Variants in BMPR1B observed in about 807,000 individuals in gnomAD.
BMPR1B encodes bone morphogenetic protein receptor type-1B.
In BMPR1B, 12 loss-of-function variants were observed where a neutral mutation model predicts 59.1. The observed-to-expected ratio is 0.20, with a 90% confidence interval of 0.13 to 0.33. BMPR1B has a LOEUF of 0.33. BMPR1B is among the 10% of genes least tolerant of loss of function. The pLI, the probability that BMPR1B is intolerant of heterozygous loss-of-function variation, is 1.00. For synonymous variants in BMPR1B, 237 were observed against 207.3 expected, an observed-to-expected ratio of 1.14 and a Z score of -1.23; for missense variants, 550 against 610.9, an observed-to-expected ratio of 0.90 and a Z score of 1.05.
intron 2 of BMPR1B, among the ~76,000 whole-genome samples, chr4:94,918,365 T>C (rs891493025): frequency 3.9e-5 from 6 of 152,174 alleles, no homozygotes; most frequent in African/African-American, 1.4e-4. Flanking sequence ...AGAATTGTTT[T>C]ATTCATTGTT....
intron 2 of BMPR1B, among the ~76,000 whole-genome samples, chr4:94,890,189 C>A (rs867018141): frequency 6.6e-6 from 1 of 152,018 alleles, no homozygotes; most frequent in South Asian, 2.1e-4. Context: ...AACAAGAAGC[C>A]TGCTAGAGGC....
intron 2 of BMPR1B, among the ~76,000 whole-genome samples, chr4:94,938,881 C>T (rs1454259947): frequency 6.6e-6 from 1 of 151,862 alleles, no homozygotes; most frequent in Non-Finnish European, 1.5e-5. Context: ...TGTGGGGGCA[C>T]ATGCCTGTAG....
chr4:95,106,077 T>G (rs1021699503), intron 4 of BMPR1B, among the ~76,000 whole-genome samples: 1 of 152,000 alleles, frequency 6.6e-6, no homozygotes, highest in Admixed American at 6.6e-5. Context: ...GCAGTGGAAA[T>G]TCTGTTGTGG....
At chr4:94,999,572 A>G (rs1398571741) in intron 3 of BMPR1B, among the ~76,000 whole-genome samples, 2 of 152,166 alleles carry the variant, frequency 1.3e-5, no homozygotes, top group Admixed American at 1.3e-4. Flanking sequence ...TTATGTAATT[A>G]ATTTGGTGAA....
At position 95,115,797 on chromosome 4, in the gene BMPR1B, G is replaced by A. The variant is rs1262194724; in HGVS notation, c.349+10G>A. Reference sequence around the variant, plus strand: ...CCATTGAAAAACAGAGGTAAGTGAGGAAGGCTTCCAGCCTGGAAAATCACT... The same window carrying A: ...CCATTGAAAAACAGAGGTAAGTGAGAAAGGCTTCCAGCCTGGAAAATCACT... On this transcript the variant is annotated intron_variant, in intron 6 of 12. Coordinates refer to ENST00000515059, the MANE Select transcript of BMPR1B (RefSeq NM_001203.3). The A allele has an allele frequency of 5.0e-6, 8 of 1,599,142 alleles. No individual in the cohort carries two copies. In the East Asian group the frequency reaches 8.9e-5, roughly 18 times the overall value.
intron 2 of BMPR1B, among the ~76,000 whole-genome samples, chr4:94,882,096 A>T (rs1726995757): frequency 6.6e-6 from 1 of 152,162 alleles, no homozygotes; most frequent in African/African-American, 2.4e-5. Context: ...TACTGGCATG[A>T]AAAAGGTTCC....
chr4:94,929,777 TC>T (rs1293412941), intron 2 of BMPR1B, among the ~76,000 whole-genome samples: 1 of 151,984 alleles, frequency 6.6e-6, no homozygotes, highest in Admixed American at 6.6e-5. Flanking sequence ...GATCCTCACG[TC>T]CTATGATTTC....
chr4:94,762,656 T>G (rs527938237), intron 1 of BMPR1B, among the ~76,000 whole-genome samples: 1 of 152,330 alleles, frequency 6.6e-6, no homozygotes, highest in African/African-American at 2.4e-5. Flanking sequence ...TGGAGGATTT[T>G]AAACAGAGAA....
chr4:94,758,787 C>G (rs1036388666), intron 1 of BMPR1B, among the ~76,000 whole-genome samples: 1 of 152,038 alleles, frequency 6.6e-6, no homozygotes, highest in African/African-American at 2.4e-5. Context: ...TTATTGCTAT[C>G]CTTTGCCTCT....
In BMPR1B at chr4:95,125,141, T is replaced by C. The variant is rs747587385; in HGVS notation, c.585+20T>C. On this transcript the variant is annotated intron_variant, in intron 8 of 12. Transcript: ENST00000515059. The stretch of plus-strand genomic sequence containing the variant: ...CTGCTGGTATGAGAAGAACACATCT[T>C]GAATTTAAAGGAAATGTTTTCTGAA... The C allele has an allele frequency of 1.2e-5, 20 of 1,613,048 alleles. No homozygotes were observed. The highest frequency in any genetic ancestry group is 5.3e-5 in the African/African-American group (4 of 74,862).
chr4:94,799,246 C>T (rs1013227936), intron 1 of BMPR1B, among the ~76,000 whole-genome samples: 2 of 150,418 alleles, frequency 1.3e-5, no homozygotes, highest in East Asian at 3.9e-4. Context: ...GTAGAATTCA[C>T]AGAGACTTCA....
At chr4:94,778,229 C>G (rs1412174689) in intron 1 of BMPR1B, among the ~76,000 whole-genome samples, 1 of 152,078 alleles carries the variant, frequency 6.6e-6, no homozygotes, top group Non-Finnish European at 1.5e-5. Flanking sequence ...TGAGTAAACA[C>G]TAACCTGAGT....
chr4:94,875,269 G>A (rs1055126893), intron 1 of BMPR1B, among the ~76,000 whole-genome samples: 15 of 152,190 alleles, frequency 9.9e-5, no homozygotes, highest in African/African-American at 2.4e-4. Flanking sequence ...GAACTTTGAG[G>A]TGTTCTTGAT....
chr4:95,142,964 C>A, intron 10 of BMPR1B, among the ~76,000 whole-genome samples: 1 of 152,144 alleles, frequency 6.6e-6, no homozygotes, highest in East Asian at 1.9e-4. Flanking sequence ...CTCCTTGCCA[C>A]CGAAACAAAA....
intron 1 of BMPR1B, among the ~76,000 whole-genome samples, chr4:94,841,780 T>TC (rs1439321297): frequency 5.9e-5 from 9 of 152,206 alleles, no homozygotes; most frequent in African/African-American, 2.2e-4. Flanking sequence ...TCTTGGCTCC[T>TC]CCCCCAGTAA....
chr4:95,098,228 TTTTC>T (rs2149258277), intron 3 of BMPR1B, among the ~76,000 whole-genome samples: 1 of 152,292 alleles, frequency 6.6e-6, no homozygotes, highest in Non-Finnish European at 1.5e-5. Flanking sequence ...GTCATTTGTC[TTTTC>T]TTCTATTTAT....
chr4:94,785,148 A>C (rs750347305), intron 1 of BMPR1B, among the ~76,000 whole-genome samples: 2 of 152,210 alleles, frequency 1.3e-5, no homozygotes, highest in Non-Finnish European at 2.9e-5. Flanking sequence ...GCAAGGCCAT[A>C]GCCAGTTTGT....
At chr4:95,094,094 C>T (rs1730196011) in intron 3 of BMPR1B, among the ~76,000 whole-genome samples, 1 of 152,020 alleles carries the variant, frequency 6.6e-6, no homozygotes, top group South Asian at 2.1e-4. Flanking sequence ...TGATTTGTCT[C>T]ACAGTGTTCC....
chr4:95,131,331 A>G lies in BMPR1B; in HGVS notation c.895A>G (p.Lys299Glu), dbSNP rs762320529. 10 of 1,613,976 alleles carry G rather than the reference A, an allele frequency of 6.2e-6. No individual in the cohort carries two copies. The African/African-American group carries it at 6.7e-5, about 11-fold the overall frequency. ...DYLKSTTLDAKSMLKLAYSSV... is the reference protein window; with the variant it reads ...DYLKSTTLDAESMLKLAYSSV... ...TCTGAAGTCCACCACCCTAGACGCT[A>G]AATCAATGCTGAAGTTAGCCTACTC... The change falls in exon 10 of 13, where the codon AAA (lysine) becomes GAA (glutamate). Residue 299 changes from lysine (K) to glutamate (E), a missense_variant. By Grantham distance (56) the Lys-to-Glu change is moderately conservative. Transcript: ENST00000515059.
Sources: gnomAD v4.1 joint callset for allele counts (sites outside exome capture counted in the v4.1 genomes callset) on GRCh38, gnomAD v4.1.1 for gene constraint, MANE v1.5 for transcripts, NCBI Gene and HGNC (gene_info 2026-07-23, HGNC 2026-07-21) for gene names.